Variants in IMPA2 observed in about 807,000 individuals in gnomAD.
IMPA2 encodes inositol monophosphatase 2, also known as IMP 2.
A neutral mutation model predicts 35.1 loss-of-function variants in IMPA2; 32 were observed. That is an observed-to-expected ratio of 0.91 (90% CI 0.69 to 1.23). The LOEUF (loss-of-function observed/expected upper bound fraction) is 1.23, where lower values mean the gene tolerates loss of function less well. IMPA2 is among the 50% of genes most tolerant of loss of function. The pLI is 0.00. For missense variants in IMPA2, 334 were observed against 387.6 expected, an observed-to-expected ratio of 0.86 and a Z score of 1.16; for synonymous variants, 135 against 160.6, an observed-to-expected ratio of 0.84 and a Z score of 1.20.
At chr18:12,007,643 C>T (rs1291624494) in intron 2 of IMPA2, among the ~76,000 whole-genome samples, 1 of 93,788 alleles carries the variant, frequency 1.1e-5, no homozygotes, top group African/African-American at 6.2e-5. Flanking sequence ...TTCTTTCTTT[C>T]TTTCTTTCTT....
intron 4 of IMPA2, chr18:12,012,485 G>A: frequency 2.0e-6 from 1 of 492,804 alleles, no homozygotes; most frequent in Non-Finnish European, 3.6e-6. Flanking sequence ...ACACTGCTGT[G>A]GAAGCGGAAG....
At chr18:11,982,099 G>A (rs1357903836) in intron 1 of IMPA2, among the ~76,000 whole-genome samples, 1 of 152,196 alleles carries the variant, frequency 6.6e-6, no homozygotes. Flanking sequence ...ACCTATGAAC[G>A]GATTCAGCTC....
chr18:12,011,279 C>T (rs1226342862), intron 3 of IMPA2, among the ~76,000 whole-genome samples: 1 of 152,226 alleles, frequency 6.6e-6, no homozygotes, highest in African/African-American at 2.4e-5. Flanking sequence ...GAACCCCACG[C>T]TATAGCTGTG....
chr18:11,999,004 G>A (rs1417938907), intron 1 of IMPA2, 50 bp from the exon 2 acceptor site: 1 of 1,515,186 alleles, frequency 6.6e-7, no homozygotes, highest in South Asian at 1.2e-5. Context: ...TCCTTTGCCT[G>A]GGAGGAGGAT....
intron 1 of IMPA2, among the ~76,000 whole-genome samples, chr18:11,998,700 C>T (rs971926801): frequency 6.6e-6 from 1 of 152,152 alleles, no homozygotes; most frequent in Non-Finnish European, 1.5e-5. Flanking sequence ...ATGCTCTTTT[C>T]AAAACCCCTG....
chr18:11,985,221 T>C (rs539760222), intron 1 of IMPA2, among the ~76,000 whole-genome samples: 1 of 148,838 alleles, frequency 6.7e-6, no homozygotes, highest in South Asian at 2.1e-4. Context: ...TTATTTAGAA[T>C]AAGAACAATC....
chr18:11,999,066 G>A lies in IMPA2; in HGVS notation c.109G>A (p.Ala37Thr). Residue 37 changes from alanine (A) to threonine (T), a missense_variant, in exon 2 of 8, where the codon GCC (alanine) becomes ACC (threonine). Coordinates refer to ENST00000269159, the MANE Select transcript of IMPA2 (RefSeq NM_014214.3). ...ALRAGQIIRK[A>T]LTEEKRVSTK... ...ACTTTTATTTCAGATCATCAGAAAA[G>A]CCCTTACTGAGGAAAAACGTGTCTC... 1 of 1,613,210 alleles carries A rather than the reference G, an allele frequency of 6.2e-7. No homozygotes were observed. Among genetic ancestry groups the A allele is most frequent in the Non-Finnish European group, 8.5e-7 (1 of 1,179,678 alleles).
chr18:12,027,999 C>G (rs555825143), intron 5 of IMPA2, 44 bp from the exon 6 acceptor site: 3 of 1,361,172 alleles, frequency 2.2e-6, no homozygotes, highest in Admixed American at 1.7e-5. Flanking sequence ...TAGTTAGAAC[C>G]AAGACTTGAT....
At chr18:12,013,789 G>A (rs182329700) in intron 4 of IMPA2, among the ~76,000 whole-genome samples, 44 of 152,258 alleles carry the variant, frequency 2.9e-4, no homozygotes, top group African/African-American at 1.1e-3. Flanking sequence ...AGTCTGCGGC[G>A]GTGCCTCTTC....
At chr18:11,988,896 A>T (rs764809697) in intron 1 of IMPA2, among the ~76,000 whole-genome samples, 6 of 152,086 alleles carry the variant, frequency 3.9e-5, no homozygotes. Flanking sequence ...CAGTGGTGCA[A>T]TCACAGCTTC....
chr18:12,029,106 C>CTTTTTT, intron 7 of IMPA2, 113 bp downstream of exon 7: 3 of 358,092 alleles, frequency 8.4e-6, no homozygotes, highest in Non-Finnish European at 1.4e-5. Flanking sequence ...CCCAGAGTTT[C>CTTTTTT]TGTTTTTTTT....
chr18:12,012,490 C>T (rs1198152986), intron 4 of IMPA2: 10 of 486,884 alleles, frequency 2.1e-5, no homozygotes, highest in East Asian at 1.5e-4. Flanking sequence ...GCTGTGGAAG[C>T]GGAAGTCTTA....
At chr18:12,013,093 T>C (rs1210551476) in intron 4 of IMPA2, among the ~76,000 whole-genome samples, 3 of 152,194 alleles carry the variant, frequency 2.0e-5, no homozygotes, top group Admixed American at 1.3e-4. Flanking sequence ...CAGGGGTTGA[T>C]TGATGTTCTG....
intron 1 of IMPA2, chr18:11,994,012 CACAA>C (rs1353245758): frequency 6.6e-6 from 1 of 152,086 alleles, no homozygotes; most frequent in Non-Finnish European, 1.5e-5. Context: ...ATGACACACT[CACAA>C]AGAAAGTCAT....
In IMPA2 at chr18:11,981,669, G is replaced by A; in HGVS notation, c.-1G>A. ...AGGTGGAGGGGCCCGGCGAGGCCGC[G>A]ATGAAGCCGAGCGGCGAGGACCAGG... On this transcript the variant is annotated 5_prime_UTR_variant, in exon 1 of 8. Transcript: ENST00000269159. The A allele has an allele frequency of 1.6e-6, 2 of 1,229,648 alleles. No homozygotes were observed. Among genetic ancestry groups the A allele is most frequent in the East Asian group, 6.4e-5 (2 of 31,418 alleles). 76.2% of individuals were successfully genotyped at this position (1,229,648 alleles called of 1,614,324 possible). A position where few individuals can be genotyped will look rare whatever the true frequency, so the allele number is the denominator to read the frequency against.
At chr18:12,011,485 C>T (rs1475302950) in intron 3 of IMPA2, among the ~76,000 whole-genome samples, 1 of 152,222 alleles carries the variant, frequency 6.6e-6, no homozygotes, top group Non-Finnish European at 1.5e-5. Context: ...TCCCACACAC[C>T]CTGGCAGTCA....
Position 12,012,426 on chromosome 18 carries a change from C to G in IMPA2, c.381+211C>G, listed in dbSNP as rs373093900. 31 of 578,328 alleles carry G rather than the reference C, an allele frequency of 5.4e-5. No individual in the cohort carries two copies. In the South Asian group the frequency reaches 6.1e-4, roughly 11 times the overall value. 35.8% of individuals were successfully genotyped at this position (578,328 alleles called of 1,614,324 possible). A position where few individuals can be genotyped will look rare whatever the true frequency, so the allele number is the denominator to read the frequency against. ...GCGGGGTGGGGCTCCGTGGCTGGCC[C>G]TTGTCCCCCGTGGAGGGCTGGCCTC... On this transcript the variant is annotated intron_variant, in intron 4 of 7. Coordinates refer to ENST00000269159, the MANE Select transcript of IMPA2 (RefSeq NM_014214.3).
In IMPA2 at chr18:12,010,751, G is replaced by A. The variant is rs116159352; in HGVS notation, c.335+764G>A. 2.5e-3 allele frequency among the ~76,000 whole-genome samples: 374 copies of A among 152,306 alleles called. 1 individual carries two copies. Among genetic ancestry groups the A allele is most frequent in the African/African-American group, 8.3e-3 (345 of 41,578 alleles). On this transcript the variant is annotated intron_variant, in intron 3 of 7. Transcript: ENST00000269159. The surrounding 1 kb of genome is among the most constrained non-coding windows in gnomAD (Gnocchi z 4.8). ...CACGCCAGCACACTAGGCTGCACGC[G>A]CTAAGCAGGAAGGGTGAGCAGAGCC... is the stretch of plus-strand genomic sequence containing the variant.
intron 7 of IMPA2, 115 bp downstream of exon 7, chr18:12,029,108 G>A: frequency 1.1e-5 from 3 of 266,040 alleles, no homozygotes; most frequent in Non-Finnish European, 1.3e-5. Context: ...CAGAGTTTCT[G>A]TTTTTTTTTT....
Sources: gnomAD v4.1 joint callset for allele counts (sites outside exome capture counted in the v4.1 genomes callset) on GRCh38, gnomAD v4.1.1 for gene constraint, Gnocchi (gnomAD v3.1) non-coding constraint, MANE v1.5 for transcripts, NCBI Gene and HGNC (gene_info 2026-07-23, HGNC 2026-07-21) for gene names.